Variants in WIPI2 observed in about 807,000 individuals in gnomAD.
WIPI2 encodes the protein WD repeat domain phosphoinositide-interacting protein 2.
A neutral mutation model predicts 52.3 loss-of-function variants in WIPI2; 28 were observed. That is an observed-to-expected ratio of 0.54 (90% CI 0.40 to 0.73). The LOEUF is 0.73. Ranked by LOEUF, WIPI2 falls within the 30% of genes least tolerant of loss-of-function variation. The pLI is 0.00. For missense variants in WIPI2, 506 were observed against 602.9 expected (o/e 0.84, Z 1.68); for synonymous variants, 268 against 245.0 (o/e 1.09, Z -0.88).
intron 1 of WIPI2, among the ~76,000 whole-genome samples, chr7:5,191,009 TTTTTGTTTTTTGGGGTTTG>T (rs1368499640): frequency 7.0e-6 from 1 of 142,846 alleles, no homozygotes; most frequent in African/African-American, 2.6e-5. Flanking sequence ...TTTTTGTTTG[TTTTTGTTTTTTGGGGTTTG>T]TTTTGTTTTG....
At chr7:5,228,885 C>G (rs11761408) in intron 11 of WIPI2, among the ~76,000 whole-genome samples, 3 of 151,792 alleles carry the variant, frequency 2.0e-5, no homozygotes, top group African/African-American at 7.3e-5. Context: ...CACAGCACAT[C>G]CAGCTAATTA....
chr7:5,225,777 C>T, intron 8 of WIPI2, 46 bp from the exon 9 acceptor site: 1 of 1,424,776 alleles, frequency 7.0e-7, no homozygotes, highest in Non-Finnish European at 9.7e-7. Context: ...ACCCCTGGGG[C>T]AGCTGCTGGC....
At chr7:5,190,518 G>A in intron 1 of WIPI2, 25 bp downstream of exon 1, 1 of 1,483,412 alleles carries the variant, frequency 6.7e-7, no homozygotes, top group Non-Finnish European at 9.0e-7. Flanking sequence ...GGGGGTCGGA[G>A]TCGGGGTGAG....
intron 7 of WIPI2, among the ~76,000 whole-genome samples, chr7:5,220,698 A>G (rs1336013986): frequency 6.8e-6 from 1 of 147,080 alleles, no homozygotes; most frequent in Non-Finnish European, 1.5e-5. Context: ...CTGGTCTTGA[A>G]CTCCTGGACT....
rs368018740 is a variant in WIPI2, at chr7:5,225,982, C to T, written c.848+52C>T. 1.2e-5 allele frequency: 19 copies of T among 1,531,610 alleles called. No homozygotes were observed. In the African/African-American group the frequency reaches 2.3e-4, roughly 19 times the overall value. 94.9% of individuals were successfully genotyped at this position (1,531,610 alleles called of 1,614,324 possible). The stretch of plus-strand genomic sequence containing the variant: ...AAAATGATGCAAAACCCTTTGTCCC[C>T]ACTTGCTGCCGGGATGAGAGGTAAG... On this transcript the variant is annotated intron_variant, in intron 9 of 12. Coordinates refer to ENST00000288828, the MANE Select transcript of WIPI2 (RefSeq NM_015610.4).
chr7:5,190,541 C>T (rs1248661977), intron 1 of WIPI2, 48 bp downstream of exon 1: 3 of 1,429,754 alleles, frequency 2.1e-6, no homozygotes, highest in Non-Finnish European at 1.8e-6. Context: ...CAGGGTCGGA[C>T]CCGGGCTAGG....
At chr7:5,228,866 C>G (rs1350394861) in intron 11 of WIPI2, among the ~76,000 whole-genome samples, 1 of 151,338 alleles carries the variant, frequency 6.6e-6, no homozygotes, top group Non-Finnish European at 1.5e-5. Context: ...GTAGCTGGGA[C>G]TACAGGCACA....
intron 1 of WIPI2, 45 bp downstream of exon 1, chr7:5,190,538 G>A (rs755105151): frequency 2.8e-6 from 4 of 1,435,794 alleles, no homozygotes; most frequent in Non-Finnish European, 3.7e-6. Flanking sequence ...GGCCAGGGTC[G>A]GACCCGGGCT....
At chr7:5,215,774 A>G (rs1205028209) in intron 4 of WIPI2, among the ~76,000 whole-genome samples, 1 of 152,226 alleles carries the variant, frequency 6.6e-6, no homozygotes, top group Non-Finnish European at 1.5e-5. Context: ...TTCACGTCCA[A>G]CTAATGTAGA....
chr7:5,233,291 A>T lies in WIPI2; in HGVS notation c.*2344A>T, dbSNP rs1783817096. The T allele has an allele frequency of 6.6e-6, 1 of 152,196 alleles. No homozygotes were observed. The highest frequency in any genetic ancestry group is 1.5e-5 in the Non-Finnish European group (1 of 68,060). 9.4% of individuals were successfully genotyped at this position (152,196 alleles called of 1,614,324 possible). A position where few individuals can be genotyped will look rare whatever the true frequency, so the allele number is the denominator to read the frequency against. ...GCTCGAACCTATGAGTCCCAGCCTC[A>T]CTGGCGGCCTCAGACATGCTCAGGA... On this transcript the variant is annotated 3_prime_UTR_variant, in exon 13 of 13. Transcript: ENST00000288828.
chr7:5,193,817 A>G (rs1202933402), intron 2 of WIPI2, among the ~76,000 whole-genome samples: 1 of 151,814 alleles, frequency 6.6e-6, no homozygotes, highest in African/African-American at 2.4e-5. Flanking sequence ...GCCTCATGCG[A>G]TCTTCCTGCC....
In WIPI2 at chr7:5,214,519, C is replaced by A. The variant is rs373654612; in HGVS notation, c.212-16C>A. ...TGTGGAGATGTTCACGCATGTACTTCCCTTTGTGATTTCAGCCGATACGGA... is the reference window on the plus strand; with the variant it reads ...TGTGGAGATGTTCACGCATGTACTTACCTTTGTGATTTCAGCCGATACGGA... On this transcript the variant is annotated splice_polypyrimidine_tract_variant and intron_variant, in intron 3 of 12. Transcript: ENST00000288828. 53 of 1,614,206 alleles carry A rather than the reference C, an allele frequency of 3.3e-5. No individual in the cohort carries two copies. The African/African-American group carries it at 6.9e-4, about 21-fold the overall frequency.
chr7:5,219,354 TAC>T (rs1331827919), intron 7 of WIPI2, among the ~76,000 whole-genome samples: 39 of 152,242 alleles, frequency 2.6e-4, no homozygotes, highest in African/African-American at 8.2e-4. Context: ...GAAATTCTGT[TAC>T]CCTTTGACTA....
intron 11 of WIPI2, among the ~76,000 whole-genome samples, chr7:5,229,020 T>G (rs1170062217): frequency 1.3e-5 from 2 of 151,104 alleles, no homozygotes; most frequent in South Asian, 2.1e-4. Flanking sequence ...ACCTAGCTTT[T>G]TGTGTGTGTG....
chr7:5,225,711 T>C (rs562133267), intron 8 of WIPI2, 112 bp from the exon 9 acceptor site: 1 of 690,270 alleles, frequency 1.4e-6, no homozygotes, highest in African/African-American at 1.8e-5. Context: ...GAATAAAACT[T>C]ACCAGCAGGC....
chr7:5,203,218 G>A (rs902807183), intron 3 of WIPI2, among the ~76,000 whole-genome samples: 11 of 152,214 alleles, frequency 7.2e-5, no homozygotes, highest in African/African-American at 2.7e-4. Flanking sequence ...GACAGGCAGT[G>A]CACTGGTTGG....
At chr7:5,214,341 C>T (rs1415709142) in intron 3 of WIPI2, 194 bp from the exon 4 acceptor site, 6 of 1,579,716 alleles carry the variant, frequency 3.8e-6, no homozygotes, top group South Asian at 1.1e-5. Flanking sequence ...AGTGGAAATG[C>T]TCCTGAGGCT....
chr7:5,204,901 C>T (rs1348911850), intron 3 of WIPI2, among the ~76,000 whole-genome samples: 1 of 152,160 alleles, frequency 6.6e-6, no homozygotes, highest in East Asian at 1.9e-4. Context: ...GTCTTGAACT[C>T]GTGGGCTCAG....
At position 5,216,557 on chromosome 7, in the gene WIPI2, G is replaced by C. The variant is rs758941327; in HGVS notation, c.382-6G>C. ...CACGTTTGGTTTCGTTTTGTCTCTC[G>C]CCTAGAGGCTGATAGTATGCCTGGA... On this transcript the variant is annotated splice_region_variant and splice_polypyrimidine_tract_variant and intron_variant, in intron 4 of 12. Coordinates refer to ENST00000288828, the MANE Select transcript of WIPI2 (RefSeq NM_015610.4). 1.2e-6 allele frequency: 2 copies of C among 1,613,942 alleles called. No individual in the cohort carries two copies. The highest frequency in any genetic ancestry group is 4.5e-5 in the East Asian group (2 of 44,880).
Sources: gnomAD v4.1 joint callset for allele counts (sites outside exome capture counted in the v4.1 genomes callset) on GRCh38, gnomAD v4.1.1 for gene constraint, MANE v1.5 for transcripts, NCBI Gene and HGNC (gene_info 2026-07-23, HGNC 2026-07-21) for gene names.